Variants in ABCA13 observed in about 807,000 individuals in gnomAD.
The protein encoded by ABCA13 is ATP-binding cassette sub-family A member 13.
A neutral mutation model predicts 478.7 loss-of-function variants in ABCA13; 476 were observed. The ratio of observed to expected loss-of-function variants is 0.99; its 90% CI spans 0.92 to 1.07. The LOEUF is 1.07. Among genes scored for constraint, ABCA13 ranks in the 50% least tolerant of loss-of-function variants. The pLI is 0.00. For missense variants in ABCA13, 6,060 were observed against 5,910.6 expected, an observed-to-expected ratio of 1.03 and a Z score of -0.83; for synonymous variants, 2,252 against 2,158.9, an observed-to-expected ratio of 1.04 and a Z score of -1.20.
rs562453306 is a variant in ABCA13 at position 48,609,980 on chromosome 7, C to G, written c.14745-5305C>G. ...AAATCTAAATCATATTATTTCATAA[C>G]TGGCCTCTCCCATATCTCATGTTTT... On this transcript the variant is annotated intron_variant, in intron 58 of 61. Coordinates refer to ENST00000435803, the MANE Select transcript of ABCA13 (RefSeq NM_152701.5). Among the ~76,000 whole-genome samples, 5 of 152,278 alleles carry G rather than the reference C, an allele frequency of 3.3e-5. No homozygotes were observed. In the East Asian group the frequency reaches 9.7e-4, roughly 29 times the overall value.
At position 48,234,056 on chromosome 7, in the gene ABCA13, G is replaced by A. The variant is rs552464039; in HGVS notation, c.802G>A (p.Asp268Asn). ...YHLSMQNIVW[D>N]PQKVQYDLKS... ...CCTGTCCATGCAGAATATAGTGTGG[G>A]ATCCACAGAAAGTCCAGTATGATCT... is the stretch of plus-strand genomic sequence containing the variant. The change falls in exon 8 of 62, where the codon GAT (aspartate) becomes AAT (asparagine). Residue 268 changes from aspartate to asparagine, a missense_variant. Physicochemically the swap from Asp to Asn is conservative, Grantham distance 23. Transcript: ENST00000435803. 6.2e-7 allele frequency: 1 copy of A among 1,613,936 alleles called. No individual in the cohort carries two copies. The highest frequency in any genetic ancestry group is 1.3e-5 in the African/African-American group (1 of 74,996).
rs184864157 is a variant in ABCA13, at chr7:48,453,693, C to T, written c.12566-1344C>T. ...GATCTCAAGGATTCTACCTGAACGTCCGGGCCGCTTGGCCTGTTTCTCACT... is the reference window on the plus strand; with the variant it reads ...GATCTCAAGGATTCTACCTGAACGTTCGGGCCGCTTGGCCTGTTTCTCACT... On this transcript the variant is annotated intron_variant, in intron 42 of 61. Transcript: ENST00000435803. 1.2e-4 allele frequency among the ~76,000 whole-genome samples: 19 copies of T among 152,312 alleles called. 1 individual carries two copies. The South Asian group carries it at 2.9e-3, about 23-fold the overall frequency.
At chr7:48,596,921 T>C (rs925334845) in intron 58 of ABCA13, among the ~76,000 whole-genome samples, 1 of 152,084 alleles carries the variant, frequency 6.6e-6, no homozygotes, top group Admixed American at 6.6e-5. Context: ...ATATAATCAG[T>C]AGTCTGCTGC....
At chr7:48,609,762 C>A (rs80214799) in intron 58 of ABCA13, among the ~76,000 whole-genome samples, 1 of 152,114 alleles carries the variant, frequency 6.6e-6, no homozygotes, top group Admixed American at 6.6e-5. Context: ...GCACATCTTA[C>A]GTGGCCAGAG....
chr7:48,290,671 G>T (rs1304726901), intron 20 of ABCA13, among the ~76,000 whole-genome samples: 5 of 152,104 alleles, frequency 3.3e-5, no homozygotes, highest in Non-Finnish European at 5.9e-5. Context: ...AAATTAATTT[G>T]CATGCAGTTA....
Position 48,644,616 on chromosome 7 carries a change from G to A in ABCA13, c.14944-1G>A, listed in dbSNP as rs750436812. 3.8e-6 allele frequency: 6 copies of A among 1,564,616 alleles called. No individual in the cohort carries two copies. Among genetic ancestry groups the A allele is most frequent in the Non-Finnish European group, 5.2e-6 (6 of 1,158,518 alleles). ...TTTTTTTTTTTTTTTTTTGCTTTTA[G>A]GGACAGCACCTGAATTTATTAGAAT... On this transcript the variant is annotated splice_acceptor_variant, in intron 60 of 61. Transcript: ENST00000435803. LOFTEE classifies it high-confidence loss of function.
At chr7:48,366,912 G>A (rs1811761462) in intron 31 of ABCA13, among the ~76,000 whole-genome samples, 2 of 152,056 alleles carry the variant, frequency 1.3e-5, no homozygotes, top group African/African-American at 2.4e-5. Flanking sequence ...CCACCTTGCC[G>A]ACACACTGGA....
chr7:48,428,665 G>A (rs1821748856), intron 42 of ABCA13, among the ~76,000 whole-genome samples: 2 of 152,166 alleles, frequency 1.3e-5, no homozygotes, highest in South Asian at 4.1e-4. Flanking sequence ...GCTCTTAGTA[G>A]TATCAGATTT....
chr7:48,366,210 T>A (rs1811645710), intron 31 of ABCA13, among the ~76,000 whole-genome samples: 1 of 152,152 alleles, frequency 6.6e-6, no homozygotes, highest in African/African-American at 2.4e-5. Flanking sequence ...CTGTGACCCG[T>A]GTTCTGCTTG....
chr7:48,420,194 A>G (rs1283260936), intron 41 of ABCA13, among the ~76,000 whole-genome samples: 1 of 152,366 alleles, frequency 6.6e-6, no homozygotes, highest in Admixed American at 6.5e-5. Flanking sequence ...TCAGCTAAAA[A>G]GCATATTTTA....
At chr7:48,636,534 T>C (rs1489917940) in intron 59 of ABCA13, among the ~76,000 whole-genome samples, 1 of 152,174 alleles carries the variant, frequency 6.6e-6, no homozygotes, top group Non-Finnish European at 1.5e-5. Flanking sequence ...GAACTCCTGG[T>C]GAGTCAGAGG....
chr7:48,619,495 A>G (rs1372822916), intron 59 of ABCA13, among the ~76,000 whole-genome samples: 3 of 152,196 alleles, frequency 2.0e-5, no homozygotes, highest in South Asian at 4.1e-4. Flanking sequence ...CTGACATTTA[A>G]TATTTCTTTA....
intron 52 of ABCA13, among the ~76,000 whole-genome samples, chr7:48,519,285 A>C (rs1563385187): frequency 1.3e-5 from 2 of 152,300 alleles, no homozygotes; most frequent in South Asian, 4.1e-4. Context: ...TATCTTTGGA[A>C]TAGAATGATT....
In ABCA13 at chr7:48,275,091, C is replaced by T. The variant is rs1796121052; in HGVS notation, c.5425C>T (p.Pro1809Ser). Residue 1809 changes from proline to serine, a missense_variant, in exon 17 of 62, where the codon CCA becomes TCA. Transcript: ENST00000435803. ...TACAATTGAATTAGTATCAGATAAG[C>T]CAGATATTATTTCAGAGGCTTTAGC... ...LDTIELVSDK[P>S]DIISEALACF... 6.2e-7 allele frequency: 1 copy of T among 1,613,074 alleles called. No individual in the cohort carries two copies. The highest frequency in any genetic ancestry group is 8.5e-7 in the Non-Finnish European group (1 of 1,179,534).
chr7:48,404,324 G>A (rs1545051), intron 39 of ABCA13: 53,362 of 206,436 alleles, frequency 0.26, 7,531 homozygotes, highest in Admixed American at 0.29. Flanking sequence ...TCTTGTCCAT[G>A]TTTCTCACAT....
In ABCA13 at chr7:48,646,521, A is replaced by ATTT. The variant is rs959912078; in HGVS notation, c.*1010_*1012dup. ...GCATAGTATGTAGTCTTTTTTATTT[A>ATTT]TTTATTTTTTTTTTTTGAGGCGGAG... On this transcript the variant is annotated 3_prime_UTR_variant, in exon 62 of 62. Transcript: ENST00000435803. 2.1e-5 allele frequency: 3 copies of ATTT among 145,308 alleles called. No individual in the cohort carries two copies. The highest frequency in any genetic ancestry group is 5.2e-5 in the African/African-American group (2 of 38,602). The allele number at this position is 145,308 out of a possible 1,614,324, so 9.0% of individuals were successfully genotyped here. A position where few individuals can be genotyped will look rare whatever the true frequency, so the allele number is the denominator to read the frequency against.
intron 58 of ABCA13, 71 bp downstream of exon 58, chr7:48,594,884 G>C (rs906189571): frequency 1.6e-6 from 2 of 1,278,566 alleles, no homozygotes; most frequent in Non-Finnish European, 2.3e-6. Context: ...GTGCATTTAG[G>C]TACCTGCACA....
At chr7:48,484,283 G>A (rs139863037) in intron 47 of ABCA13, among the ~76,000 whole-genome samples, 408 of 152,298 alleles carry the variant, frequency 2.7e-3, no homozygotes, top group African/African-American at 9.5e-3. Context: ...TCATAGTGTG[G>A]ACGATTCAGG....
intron 60 of ABCA13, among the ~76,000 whole-genome samples, chr7:48,644,143 A>C (rs1795285633): frequency 6.6e-6 from 1 of 152,190 alleles, no homozygotes; most frequent in Non-Finnish European, 1.5e-5. Flanking sequence ...TATGACTCTG[A>C]GTCACCCTAT....
Sources: allele counts gnomAD v4.1 joint callset (sites outside exome capture counted in the v4.1 genomes callset), GRCh38; gene constraint gnomAD v4.1.1; transcripts MANE v1.5; gene names NCBI Gene and HGNC (gene_info 2026-07-23, HGNC 2026-07-21).